PRKG1: variants seen among roughly 807,000 people sequenced by gnomAD.
The protein encoded by PRKG1 is cGMP-dependent protein kinase 1.
PRKG1 carries 35 observed loss-of-function variants against 88.1 expected under a neutral mutation model. The ratio of observed to expected loss-of-function variants is 0.40; its 90% CI spans 0.30 to 0.53. The LOEUF is 0.53. Ranked by LOEUF, PRKG1 falls within the 20% of genes least tolerant of loss-of-function variation. The probability of loss-of-function intolerance (pLI) is 0.59; values close to 1 mark genes in which losing one functional copy is unlikely to be tolerated. For synonymous variants in PRKG1, 303 were observed against 292.5 expected, an observed-to-expected ratio of 1.04 and a Z score of -0.37; for missense variants, 540 against 839.8, an observed-to-expected ratio of 0.64 and a Z score of 4.41.
intron 5 of PRKG1, among the ~76,000 whole-genome samples, chr10:51,928,487 A>C (rs1203594101): frequency 1.3e-5 from 2 of 152,212 alleles, no homozygotes; most frequent in East Asian, 3.9e-4. Flanking sequence ...TCTAGAAAAG[A>C]AGCTATTTGT....
chr10:51,259,330 A>G (rs10996361), intron 2 of PRKG1, among the ~76,000 whole-genome samples: 13,809 of 152,256 alleles, frequency 0.091, 763 homozygotes, highest in Middle Eastern at 0.15. Context: ...CTTGAAAAAT[A>G]TACTCATAAC....
At chr10:51,698,153 C>T in intron 3 of PRKG1, 1 of 1,614,174 alleles carries the variant, frequency 6.2e-7, no homozygotes, top group Non-Finnish European at 8.5e-7. Context: ...GCCTCTTGAA[C>T]TGGGGACAGG....
intron 3 of PRKG1, among the ~76,000 whole-genome samples, chr10:51,801,367 C>G (rs977394236): frequency 6.6e-6 from 1 of 151,984 alleles, no homozygotes; most frequent in Non-Finnish European, 1.5e-5. Flanking sequence ...AATTTTTCAA[C>G]GATTTAAAAA....
At chr10:51,092,905 A>G (rs2131867405) in intron 1 of PRKG1, among the ~76,000 whole-genome samples, 1 of 152,318 alleles carries the variant, frequency 6.6e-6, no homozygotes, top group African/African-American at 2.4e-5. Context: ...CAGCTTGGAT[A>G]AATAACTAGG....
intron 1 of PRKG1, among the ~76,000 whole-genome samples, chr10:50,998,248 A>G (rs2339688): frequency 0.89 from 135,970 of 152,182 alleles, 60,889 homozygotes; most frequent in African/African-American, 0.95. Flanking sequence ...GGGTCCTTGT[A>G]TTTCTTCTGG....
intron 2 of PRKG1, among the ~76,000 whole-genome samples, chr10:51,464,362 G>A (rs952250658): frequency 1.3e-5 from 2 of 152,050 alleles, no homozygotes; most frequent in Non-Finnish European, 2.9e-5. Flanking sequence ...ACTGTTGTGA[G>A]TATATTGAAT....
chr10:51,842,431 C>T (rs1368908917), intron 4 of PRKG1, among the ~76,000 whole-genome samples: 4 of 152,336 alleles, frequency 2.6e-5, no homozygotes, highest in Non-Finnish European at 4.4e-5. Context: ...TACACGATGA[C>T]TGAATGGTGG....
intron 14 of PRKG1, among the ~76,000 whole-genome samples, chr10:52,285,847 A>G (rs944766087): frequency 6.6e-6 from 1 of 152,088 alleles, no homozygotes; most frequent in Admixed American, 6.6e-5. Context: ...TAAAATAGTA[A>G]CAATTAAAAA....
chr10:51,711,346 G>A (rs1192185658), intron 3 of PRKG1, among the ~76,000 whole-genome samples: 3 of 151,186 alleles, frequency 2.0e-5, no homozygotes, highest in Admixed American at 1.3e-4. Flanking sequence ...CCTCGTGATC[G>A]ACCCGCCTCG....
chr10:51,298,162 A>T (rs1315319536), intron 2 of PRKG1, among the ~76,000 whole-genome samples: 1 of 152,174 alleles, frequency 6.6e-6, no homozygotes, highest in Non-Finnish European at 1.5e-5. Context: ...TAGATGATAA[A>T]TTCATGATTA....
At chr10:51,983,350 C>T (rs561349760) in intron 5 of PRKG1, among the ~76,000 whole-genome samples, 15 of 152,230 alleles carry the variant, frequency 9.9e-5, no homozygotes, top group East Asian at 5.8e-4. Context: ...GGGAGGGAAC[C>T]GGTGGGCTGG....
intron 2 of PRKG1, among the ~76,000 whole-genome samples, chr10:51,199,514 T>C (rs548290369): frequency 5.3e-5 from 8 of 152,332 alleles, no homozygotes; most frequent in African/African-American, 1.7e-4. Context: ...TCTCTGCCTC[T>C]GCAGATCTAT....
At chr10:51,189,717 A>G (rs1466066475) in intron 2 of PRKG1, among the ~76,000 whole-genome samples, 1 of 152,008 alleles carries the variant, frequency 6.6e-6, no homozygotes, top group Non-Finnish European at 1.5e-5. Flanking sequence ...ATATATCTGG[A>G]ATTAAATTAA....
chr10:51,956,376 A>G (rs1373058496), intron 5 of PRKG1, among the ~76,000 whole-genome samples: 1 of 151,748 alleles, frequency 6.6e-6, no homozygotes, highest in African/African-American at 2.4e-5. Flanking sequence ...TACATTATTA[A>G]TAACATATAT....
At chr10:51,242,046 A>G (rs1014006985) in intron 2 of PRKG1, among the ~76,000 whole-genome samples, 7 of 152,088 alleles carry the variant, frequency 4.6e-5, no homozygotes, top group African/African-American at 1.7e-4. Context: ...ATAAGGTGGG[A>G]AGCTCCCAGA....
At chr10:51,994,783 A>G (rs1844396817) in intron 5 of PRKG1, among the ~76,000 whole-genome samples, 1 of 152,186 alleles carries the variant, frequency 6.6e-6, no homozygotes, top group Admixed American at 6.5e-5. Context: ...GGAAGGAAGT[A>G]CTGTTTTATT....
At chr10:51,728,449 CTTTGTTTTTTTTTTTTTTT>C (rs1397400866) in intron 3 of PRKG1, among the ~76,000 whole-genome samples, 30 of 57,918 alleles carry the variant, frequency 5.2e-4, no homozygotes, top group African/African-American at 2.0e-3. Context: ...TCCATTTTTT[CTTTGTTTTTTTTTTTTTTT>C]TTTTTTTTTT....
chr10:51,485,330 A>G (rs1840499450), intron 3 of PRKG1, among the ~76,000 whole-genome samples: 1 of 152,210 alleles, frequency 6.6e-6, no homozygotes, highest in Non-Finnish European at 1.5e-5. Context: ...TCACAGGATA[A>G]GTGATTATCA....
At chr10:52,213,708 A>T (rs1349632713) in intron 9 of PRKG1, among the ~76,000 whole-genome samples, 1 of 152,192 alleles carries the variant, frequency 6.6e-6, no homozygotes, top group African/African-American at 2.4e-5. Context: ...CTGACTCAGC[A>T]GTGGGAGAGA....
Sources: gnomAD v4.1 joint callset for allele counts (sites outside exome capture counted in the v4.1 genomes callset) on GRCh38, gnomAD v4.1.1 for gene constraint, MANE v1.5 for transcripts, NCBI Gene and HGNC (gene_info 2026-07-23, HGNC 2026-07-21) for gene names.